MACROD2: variants seen among roughly 807,000 people sequenced by gnomAD.
MACROD2 encodes mono-ADP ribosylhydrolase 2, also known as ADP-ribose glycohydrolase MACROD2.
A neutral mutation model predicts 70.4 loss-of-function variants in MACROD2; 36 were observed. That is an observed-to-expected ratio of 0.51 (90% confidence interval 0.39 to 0.68). MACROD2 has a LOEUF of 0.68. Ranked by LOEUF, MACROD2 falls within the 30% of genes least tolerant of loss-of-function variation. MACROD2 has a pLI of 0.00. For synonymous variants in MACROD2, 172 were observed against 178.8 expected, an observed-to-expected ratio of 0.96 and a Z score of 0.30; for missense variants, 496 against 538.4, an observed-to-expected ratio of 0.92 and a Z score of 0.78.
Position 15,400,365 on chromosome 20 carries a change from C to T in MACROD2, c.541-31040C>T, listed in dbSNP as rs2045913316. Among the ~76,000 whole-genome samples the T allele has an allele frequency of 2.0e-5, 3 of 152,224 alleles. No homozygotes were observed. The South Asian group carries it at 6.2e-4, about 32-fold the overall frequency. The stretch of plus-strand genomic sequence containing the variant: ...ATGCTTGTTGCTTTCTGAAAGCATC[C>T]ACTGACCCCATGACTTAGCTGCCTG... On this transcript the variant is annotated intron_variant, in intron 6 of 17. Transcript: ENST00000684519.
intron 12 of MACROD2, among the ~76,000 whole-genome samples, chr20:15,948,947 G>A (rs1482873081): frequency 6.6e-6 from 1 of 152,128 alleles, no homozygotes; most frequent in Non-Finnish European, 1.5e-5. Context: ...CAATTCCTTT[G>A]TCCAACATAG....
chr20:14,277,192 G>C (rs989656948), intron 3 of MACROD2, among the ~76,000 whole-genome samples: 1 of 151,924 alleles, frequency 6.6e-6, no homozygotes, highest in African/African-American at 2.4e-5. Context: ...GCTCACGCCT[G>C]TAATCCCAGC....
At chr20:15,607,141 C>A (rs982268182) in intron 8 of MACROD2, among the ~76,000 whole-genome samples, 3 of 152,116 alleles carry the variant, frequency 2.0e-5, no homozygotes, top group Non-Finnish European at 4.4e-5. Context: ...CATAGCAAGA[C>A]CTAATTGCTA....
intron 3 of MACROD2, among the ~76,000 whole-genome samples, chr20:14,422,562 G>A (rs375731445): frequency 6.7e-6 from 1 of 150,248 alleles, no homozygotes. Flanking sequence ...TATTTCTTTC[G>A]TTTATATTCT....
chr20:15,107,238 A>G (rs964439035), intron 5 of MACROD2, among the ~76,000 whole-genome samples: 6 of 151,904 alleles, frequency 3.9e-5, no homozygotes, highest in South Asian at 4.1e-4. Flanking sequence ...AAACACACAT[A>G]TGAAATGAAT....
intron 5 of MACROD2, among the ~76,000 whole-genome samples, chr20:14,743,090 A>G (rs1388041721): frequency 1.3e-5 from 2 of 152,122 alleles, no homozygotes; most frequent in Non-Finnish European, 2.9e-5. Context: ...TAAAAGCTTG[A>G]CTGGTATTAA....
At chr20:15,013,901 G>T (rs2075102273) in intron 5 of MACROD2, among the ~76,000 whole-genome samples, 1 of 152,190 alleles carries the variant, frequency 6.6e-6, no homozygotes, top group Non-Finnish European at 1.5e-5. Context: ...GTAAACTGAA[G>T]CATGACTTAA....
chr20:14,542,464 C>G (rs1013271456), intron 4 of MACROD2, among the ~76,000 whole-genome samples: 4 of 152,116 alleles, frequency 2.6e-5, no homozygotes, highest in African/African-American at 9.7e-5. Flanking sequence ...ACTTAATGTT[C>G]TATGTACTGA....
intron 2 of MACROD2, among the ~76,000 whole-genome samples, chr20:14,046,442 A>G (rs1358890191): frequency 1.3e-5 from 2 of 152,220 alleles, no homozygotes; most frequent in African/African-American, 2.4e-5. Context: ...GAACTCTTAG[A>G]CAGCTGGTAG....
chr20:14,189,725 G>T (rs2148737383), intron 3 of MACROD2, among the ~76,000 whole-genome samples: 2 of 152,290 alleles, frequency 1.3e-5, no homozygotes, highest in Middle Eastern at 3.4e-3. Flanking sequence ...AGTGAAATAT[G>T]TGAGTCCAGA....
chr20:13,997,184 G>A (rs539723711), intron 1 of MACROD2, among the ~76,000 whole-genome samples: 3 of 152,258 alleles, frequency 2.0e-5, no homozygotes, highest in Admixed American at 6.5e-5. Flanking sequence ...ATTTAATTAT[G>A]TTTTAATAAT....
At chr20:14,666,918 G>C (rs2070742597) in intron 4 of MACROD2, among the ~76,000 whole-genome samples, 1 of 151,418 alleles carries the variant, frequency 6.6e-6, no homozygotes. Context: ...CACATTATGT[G>C]ACCTGACTTT....
chr20:15,816,687 T>A (rs960399519), intron 8 of MACROD2, among the ~76,000 whole-genome samples: 3 of 152,160 alleles, frequency 2.0e-5, no homozygotes, highest in Admixed American at 1.3e-4. Context: ...AACCCTCTTG[T>A]TAGTTTGACC....
At chr20:16,037,800 A>T (rs1435930309) in intron 15 of MACROD2, among the ~76,000 whole-genome samples, 1 of 151,894 alleles carries the variant, frequency 6.6e-6, no homozygotes, top group Non-Finnish European at 1.5e-5. Flanking sequence ...TATTCTGTAC[A>T]GGAGTCTTTT....
At chr20:14,122,297 GACA>G (rs2054598323) in intron 3 of MACROD2, among the ~76,000 whole-genome samples, 1 of 152,130 alleles carries the variant, frequency 6.6e-6, no homozygotes, top group South Asian at 2.1e-4. Context: ...TTTAAGTGGA[GACA>G]ATAAGATTTT....
chr20:15,294,802 G>A (rs1568699745), intron 6 of MACROD2, among the ~76,000 whole-genome samples: 2 of 152,134 alleles, frequency 1.3e-5, no homozygotes, highest in Non-Finnish European at 1.5e-5. Context: ...CCAGAAGCCA[G>A]TTAAAATATC....
intron 8 of MACROD2, among the ~76,000 whole-genome samples, chr20:15,701,224 T>A (rs2050453758): frequency 6.6e-6 from 1 of 152,236 alleles, no homozygotes; most frequent in Admixed American, 6.5e-5. Context: ...TGACAGAGAC[T>A]ATGGCCTGGA....
chr20:15,100,571 CTG>C (rs1013391817), intron 5 of MACROD2, among the ~76,000 whole-genome samples: 51 of 152,184 alleles, frequency 3.4e-4, no homozygotes, highest in African/African-American at 1.2e-3. Context: ...AAAGTTATCT[CTG>C]TAGCTAAAAT....
rs564930078 is a variant in MACROD2 at position 15,358,424 on chromosome 20, C to T, written c.541-72981C>T. 3.2e-4 allele frequency among the ~76,000 whole-genome samples: 47 copies of T among 148,660 alleles called. No homozygotes were observed. In the Middle Eastern group the frequency reaches 0.014, roughly 44 times the overall value. On this transcript the variant is annotated intron_variant, in intron 6 of 17. Transcript: ENST00000684519. Reference sequence around the variant, plus strand: ...ACATTCTAGAATAATCCTAACTGTTCCTGGACAAGTGTTTTATCAATTTTT... The same window carrying T: ...ACATTCTAGAATAATCCTAACTGTTTCTGGACAAGTGTTTTATCAATTTTT...
Sources: gnomAD v4.1 joint callset for allele counts (sites outside exome capture counted in the v4.1 genomes callset) on GRCh38, gnomAD v4.1.1 for gene constraint, MANE v1.5 for transcripts, NCBI Gene and HGNC (gene_info 2026-07-23, HGNC 2026-07-21) for gene names.